FARP1: variants seen among roughly 807,000 people sequenced by gnomAD.
FARP1 encodes FERM, ARHGEF and pleckstrin domain-containing protein 1.
Under a neutral mutation model 128.8 loss-of-function variants are expected in FARP1, and 52 were observed. The observed-to-expected ratio is 0.40, with a 90% CI of 0.32 to 0.51. The LOEUF (loss-of-function observed/expected upper bound fraction) is 0.51, where lower values mean the gene tolerates loss of function less well. Ranked by LOEUF, FARP1 falls within the 20% of genes least tolerant of loss-of-function variation. The probability of loss-of-function intolerance (pLI) is 0.45; values close to 1 mark genes in which losing one functional copy is unlikely to be tolerated. For missense variants in FARP1, 1,333 were observed against 1,367.9 expected (o/e 0.97, Z 0.40); for synonymous variants, 580 against 551.8 (o/e 1.05, Z -0.72).
intron 10 of FARP1, chr13:98,390,529 A>G (rs1594479569): frequency 2.2e-6 from 1 of 446,186 alleles, no homozygotes. Flanking sequence ...CCTTCACTAA[A>G]GGCACAGGCT....
intron 17 of FARP1, among the ~76,000 whole-genome samples, chr13:98,428,373 TACC>T (rs1891868384): frequency 1.3e-5 from 2 of 152,164 alleles, no homozygotes; most frequent in African/African-American, 4.8e-5. Context: ...TCCAAGCTTC[TACC>T]ACCTGTACCT....
At chr13:98,425,606 A>G (rs11838733) in intron 17 of FARP1, 8,591 of 151,984 alleles carry the variant, frequency 0.057, 631 homozygotes, top group African/African-American at 0.17. Flanking sequence ...GGCCAGGCTG[A>G]TCTCAAACTC....
At position 98,431,196 on chromosome 13, in the gene FARP1, C is replaced by T. The variant is rs760517221; in HGVS notation, c.2059C>T (p.His687Tyr). The change falls in exon 18 of 27, where the codon CAC (histidine) becomes TAC (tyrosine). Residue 687 changes from histidine to tyrosine, a missense_variant. By Grantham distance (83) the His-to-Tyr change is moderately conservative. This residue lies in a region of FARP1 where 1,009 missense variants were observed against 969.8 expected (regional missense o/e 1.04). Coordinates refer to ENST00000319562, the MANE Select transcript of FARP1 (RefSeq NM_005766.4). ...CAACACCTTCCTCCTGCGGCCACTG[C>T]ACCGGCTCATGCACTACAAGCAGGT... ...PLNTFLLRPL[H>Y]RLMHYKQVLE... The T allele has an allele frequency of 2.5e-6, 4 of 1,611,910 alleles. No individual in the cohort carries two copies. Among genetic ancestry groups the T allele is most frequent in the Admixed American group, 1.7e-5 (1 of 59,786 alleles).
At chr13:98,144,782 T>C (rs1875393070) in intron 1 of FARP1, among the ~76,000 whole-genome samples, 1 of 152,228 alleles carries the variant, frequency 6.6e-6, no homozygotes. Context: ...GCCTTAAAAA[T>C]TGGCTTCGTT....
chr13:98,238,478 G>A (rs938399987), intron 2 of FARP1, among the ~76,000 whole-genome samples: 4 of 152,110 alleles, frequency 2.6e-5, no homozygotes, highest in Non-Finnish European at 5.9e-5. Context: ...TCTGAGACTG[G>A]GTAATTTATT....
At chr13:98,253,618 C>T (rs539407570) in intron 2 of FARP1, among the ~76,000 whole-genome samples, 4 of 152,228 alleles carry the variant, frequency 2.6e-5, no homozygotes, top group Admixed American at 6.5e-5. Flanking sequence ...CAACACATCA[C>T]TTACAAAGTA....
intron 1 of FARP1, among the ~76,000 whole-genome samples, chr13:98,193,348 G>A (rs542699328): frequency 2.6e-4 from 40 of 152,242 alleles, no homozygotes; most frequent in African/African-American, 8.7e-4. Flanking sequence ...GAGCCACTAC[G>A]CCCAGCCAAG....
chr13:98,267,692 A>G (rs1440380771), intron 2 of FARP1, among the ~76,000 whole-genome samples: 2 of 152,218 alleles, frequency 1.3e-5, no homozygotes, highest in Non-Finnish European at 2.9e-5. Context: ...CAGACAGTGT[A>G]TGTCCCCTCA....
chr13:98,325,040 AC>A (rs1270110468), intron 2 of FARP1, among the ~76,000 whole-genome samples: 5 of 152,328 alleles, frequency 3.3e-5, no homozygotes, highest in Non-Finnish European at 7.3e-5. Context: ...TGAAATAGAT[AC>A]TGTAGAAGCA....
At chr13:98,283,544 GTTT>G (rs145777958) in intron 2 of FARP1, among the ~76,000 whole-genome samples, 3,346 of 152,234 alleles carry the variant, frequency 0.022, 51 homozygotes, top group Non-Finnish European at 0.035. Context: ...TAAGAAGCTG[GTTT>G]TGTTTCTGTT....
rs374135369 is a variant in FARP1, at chr13:98,443,449, C to T, written c.2796+2613C>T. Among the ~76,000 whole-genome samples the T allele has an allele frequency of 3.2e-4, 48 of 152,330 alleles. No homozygotes were observed. In the South Asian group the frequency reaches 9.3e-3, roughly 30 times the overall value. Reference sequence around the variant, plus strand: ...GCCAGACGCCAAATGCTCGCTGACTCGCAGATGAGCCATCCCCAGGGCCTC... The same window carrying T: ...GCCAGACGCCAAATGCTCGCTGACTTGCAGATGAGCCATCCCCAGGGCCTC... On this transcript the variant is annotated intron_variant, in intron 24 of 26. Coordinates refer to ENST00000319562, the MANE Select transcript of FARP1 (RefSeq NM_005766.4).
chr13:98,174,385 A>T (rs1877848960), intron 1 of FARP1, among the ~76,000 whole-genome samples: 1 of 152,176 alleles, frequency 6.6e-6, no homozygotes, highest in South Asian at 2.1e-4. Flanking sequence ...TTGTAAAGAA[A>T]CTCGAGTGAG....
chr13:98,379,491 C>T (rs1184550451), intron 6 of FARP1, among the ~76,000 whole-genome samples: 4 of 151,712 alleles, frequency 2.6e-5, no homozygotes, highest in Admixed American at 6.6e-5. Context: ...ACTAACCCCC[C>T]AGCCTCCATT....
rs1440717636 is a variant in FARP1 at position 98,176,463 on chromosome 13, T to G, written c.-24+32971T>G. 3 of 1,614,232 alleles carry G rather than the reference T, an allele frequency of 1.9e-6. No homozygotes were observed. The highest frequency in any genetic ancestry group is 2.5e-6 in the Non-Finnish European group (3 of 1,180,032). ...CTGGGTTTTGGAAGGCCTGGCGACA[T>G]ATGAAACACCTGAATGGTATTTCCT... On this transcript the variant is annotated intron_variant, in intron 1 of 26. Coordinates refer to ENST00000319562, the MANE Select transcript of FARP1 (RefSeq NM_005766.4). The surrounding 1 kb of genome is among the most constrained non-coding windows in gnomAD (Gnocchi z 6.2).
rs1889035836 is a variant in FARP1 at position 98,365,246 on chromosome 13, T to C, written c.277-149T>C. 19 of 591,230 alleles carry C rather than the reference T, an allele frequency of 3.2e-5. No homozygotes were observed. In the South Asian group the frequency reaches 4.7e-4, roughly 15 times the overall value. 36.6% of individuals were successfully genotyped at this position (591,230 alleles called of 1,614,324 possible). On this transcript the variant is annotated intron_variant, in intron 3 of 26. Coordinates refer to ENST00000319562, the MANE Select transcript of FARP1 (RefSeq NM_005766.4). Reference sequence around the variant, plus strand: ...TGTTTTATAAAAGTGGTAGACAACGTAAGATACGGCATTCTGGAGAAAAAT... The same window carrying C: ...TGTTTTATAAAAGTGGTAGACAACGCAAGATACGGCATTCTGGAGAAAAAT...
chr13:98,197,477 A>T (rs1203536187), intron 1 of FARP1, among the ~76,000 whole-genome samples: 2 of 152,118 alleles, frequency 1.3e-5, no homozygotes, highest in Non-Finnish European at 2.9e-5. Context: ...AAAAAAAAGA[A>T]GATGATGTTA....
At chr13:98,404,156 A>G (rs922872542) in intron 13 of FARP1, 15 of 152,244 alleles carry the variant, frequency 9.9e-5, no homozygotes, top group African/African-American at 3.1e-4. Context: ...GTGCATTTCA[A>G]TTCTTTTCCT....
At chr13:98,271,538 T>C (rs980885471) in intron 2 of FARP1, among the ~76,000 whole-genome samples, 13 of 152,204 alleles carry the variant, frequency 8.5e-5, no homozygotes, top group African/African-American at 3.1e-4. Flanking sequence ...ATTAGGTATT[T>C]GTCCTAATGC....
At chr13:98,170,324 C>T (rs1877565831) in intron 1 of FARP1, among the ~76,000 whole-genome samples, 1 of 151,456 alleles carries the variant, frequency 6.6e-6, no homozygotes, top group Non-Finnish European at 1.5e-5. Context: ...GCTAGGATTA[C>T]AGGCATGCGC....
Sources: allele counts gnomAD v4.1 joint callset (sites outside exome capture counted in the v4.1 genomes callset), GRCh38; gene constraint gnomAD v4.1.1; regional missense constraint gnomAD v4.1.1; non-coding constraint Gnocchi (gnomAD v3.1); transcripts MANE v1.5; gene names NCBI Gene and HGNC (gene_info 2026-07-23, HGNC 2026-07-21).